The following CNTRL variants were observed in gnomAD, a reference collection of about 807,000 sequenced individuals.
CNTRL encodes 110 kDa centrosomal protein.
CNTRL carries 233 observed loss-of-function variants against 303.7 expected under a neutral mutation model. The observed-to-expected ratio is 0.77, with a 90% confidence interval of 0.69 to 0.86. CNTRL has a LOEUF of 0.86. Ranked by LOEUF, CNTRL falls within the 40% of genes least tolerant of loss-of-function variation. CNTRL has a pLI of 0.00. For missense variants in CNTRL, 2,524 were observed against 2,650.6 expected (o/e 0.95, Z 1.05); for synonymous variants, 900 against 922.2 (o/e 0.98, Z 0.44).
intron 31 of CNTRL, among the ~76,000 whole-genome samples, chr9:121,159,350 C>T (rs1315168489): frequency 6.6e-6 from 1 of 152,184 alleles, no homozygotes; most frequent in African/African-American, 2.4e-5. Context: ...TAGAAAACTT[C>T]TGGCCGGGTA....
At chr9:121,173,789 G>A in intron 42 of CNTRL, 52 bp downstream of exon 42, 1 of 1,511,072 alleles carries the variant, frequency 6.6e-7, no homozygotes, top group Non-Finnish European at 9.2e-7. Flanking sequence ...GGCACATTGG[G>A]GAGGGGAGGG....
chr9:121,174,277 G>A (rs564164171), intron 42 of CNTRL, among the ~76,000 whole-genome samples: 1 of 152,144 alleles, frequency 6.6e-6, no homozygotes, highest in Non-Finnish European at 1.5e-5. Context: ...ACATTTATGT[G>A]GGGGGAATGG....
At position 121,173,504 on chromosome 9, in the gene CNTRL, A is replaced by C. The variant is rs769932847; in HGVS notation, c.6679A>C (p.Ile2227Leu). The C allele has an allele frequency of 6.2e-7, 1 of 1,613,252 alleles. No homozygotes were observed. The highest frequency in any genetic ancestry group is 8.5e-7 in the Non-Finnish European group (1 of 1,179,858). The change falls in exon 41 of 44, where the codon ATA (isoleucine) becomes CTA (leucine). Residue 2227 changes from isoleucine to leucine, a missense_variant. Coordinates refer to ENST00000373855, the MANE Select transcript of CNTRL (RefSeq NM_007018.6). ...AAAACTGAACTTTTCCCAAGTTCAC[A>C]TAATGGTAAGGGTTTATCCTGCTAT... ...EEKLNFSQVH[I>L]MDEHWRGEAL... is the part of the protein sequence containing the mutation.
At position 121,094,081 on chromosome 9, in the gene CNTRL, G is replaced by A. The variant is rs191456524; in HGVS notation, c.349-807G>A. Among the ~76,000 whole-genome samples the A allele has an allele frequency of 3.4e-3, 519 of 152,098 alleles. 14 individuals are homozygous for A. Among genetic ancestry groups the A allele is most frequent in the Admixed American group, 0.028 (423 of 15,266 alleles). ...GCCAAGATTGCGCCACTGCACTCCA[G>A]CCTGGCCAACAGCGAGACTCGGTCC... On this transcript the variant is annotated intron_variant, in intron 4 of 43. Coordinates refer to ENST00000373855, the MANE Select transcript of CNTRL (RefSeq NM_007018.6).
Position 121,173,703 on chromosome 9 carries a change from G to A in CNTRL, c.6713G>A (p.Arg2238Gln), listed in dbSNP as rs775971356. 1.1e-5 allele frequency: 17 copies of A among 1,614,002 alleles called. No individual in the cohort carries two copies. Among genetic ancestry groups the A allele is most frequent in the South Asian group, 3.3e-5 (3 of 91,090 alleles). Reference protein sequence around the residue: ...MDEHWRGEALREKLRHREDRL... With the variant: ...MDEHWRGEALQEKLRHREDRL... ...GAACACTGGCGTGGAGAAGCACTCC[G>A]GGAGAAACTGCGTCACCGGGAAGAC... Residue 2238 changes from arginine to glutamine, a missense_variant, in exon 42 of 44, where the codon CGG (arginine) becomes CAG (glutamine). Physicochemically the swap from Arg to Gln is conservative, Grantham distance 43. Transcript: ENST00000373855.
chr9:121,136,808 C>G (rs1357865809), intron 15 of CNTRL, among the ~76,000 whole-genome samples: 1 of 152,162 alleles, frequency 6.6e-6, no homozygotes, highest in Non-Finnish European at 1.5e-5. Context: ...GTGGAGCTGA[C>G]AGATCTCTGA....
chr9:121,145,227 G>A lies in CNTRL; in HGVS notation c.3169-17G>A, dbSNP rs371027482. On this transcript the variant is annotated splice_polypyrimidine_tract_variant and intron_variant, in intron 21 of 43. Transcript: ENST00000373855. The stretch of plus-strand genomic sequence containing the variant: ...TGAATTCATTGGCAACTTTGTATGT[G>A]TAATTTTTTTAAATAGTTTCGACTT... The A allele has an allele frequency of 5.6e-6, 9 of 1,598,380 alleles. No individual in the cohort carries two copies. The African/African-American group carries it at 1.2e-4, about 22-fold the overall frequency.
Position 121,161,913 on chromosome 9 carries a change from A to C in CNTRL, c.5147A>C (p.Lys1716Thr). Residue 1716 changes from lysine (K) to threonine (T), a missense_variant, in exon 33 of 44, where the codon AAG (lysine) becomes ACG (threonine). Physicochemically the swap from Lys to Thr is moderately conservative, Grantham distance 78 (BLOSUM62 -1). Coordinates refer to ENST00000373855, the MANE Select transcript of CNTRL (RefSeq NM_007018.6). ...QLENHELQGL[K>T]LQHDQRVSEL... ...GAAAACCATGAGCTACAAGGTTTGA[A>C]GCTACAACATGACCAAAGGGTATCT... 1 of 1,614,220 alleles carries C rather than the reference A, an allele frequency of 6.2e-7. No homozygotes were observed. Among genetic ancestry groups the C allele is most frequent in the Admixed American group, 1.7e-5 (1 of 60,024 alleles).
Position 121,123,992 on chromosome 9 carries a change from A to G in CNTRL, c.1712A>G (p.Tyr571Cys). 6.2e-7 allele frequency: 1 copy of G among 1,613,294 alleles called. No individual in the cohort carries two copies. ...EQQLDIMNKQ[Y>C]QQLESRLDEI... ...CAGCTTGACATTATGAACAAGCAGTACCAACAACTTGAAAGTCGTTTGGAT... is the reference window on the plus strand; with the variant it reads ...CAGCTTGACATTATGAACAAGCAGTGCCAACAACTTGAAAGTCGTTTGGAT... The change falls in exon 13 of 44, where the codon TAC (tyrosine) becomes TGC (cysteine). Residue 571 changes from tyrosine to cysteine, a missense_variant. Physicochemically the swap from Tyr to Cys is radical, Grantham distance 194. Transcript: ENST00000373855.
At position 121,150,231 on chromosome 9, in the gene CNTRL, A is replaced by G. The variant is rs373215346; in HGVS notation, c.3711A>G (p.Pro1237=). ...ESELDDQEEP[P]FVPPPGYMMY... ...AGCTGGATGACCAAGAAGAACCCCC[A>G]TTTGTGCCTCCTCCTGGATACATGA... Residue 1237 remains proline, a synonymous_variant, in exon 25 of 44, where the codon CCA becomes CCG. Transcript: ENST00000373855. 12 of 1,614,032 alleles carry G rather than the reference A, an allele frequency of 7.4e-6. No homozygotes were observed. The highest frequency in any genetic ancestry group is 1.1e-5 in the South Asian group (1 of 91,072).
chr9:121,136,659 AG>A (rs370294628), intron 15 of CNTRL, among the ~76,000 whole-genome samples: 474 of 152,296 alleles, frequency 3.1e-3, no homozygotes, highest in African/African-American at 0.011. Context: ...GTCTCCTTTT[AG>A]GGTTGGTTGA....
At chr9:121,159,084 T>C in intron 31 of CNTRL, 65 bp downstream of exon 31, 1 of 1,403,374 alleles carries the variant, frequency 7.1e-7, no homozygotes, top group Non-Finnish European at 9.8e-7. Flanking sequence ...CTTTGATGTA[T>C]TTTCATTGCT....
intron 19 of CNTRL, 98 bp from the exon 20 acceptor site, chr9:121,143,805 G>T (rs2051668006): frequency 2.4e-6 from 2 of 833,198 alleles, no homozygotes; most frequent in African/African-American, 3.5e-5. Flanking sequence ...TATTGTTCTA[G>T]GCAGCAGTGA....
intron 7 of CNTRL, among the ~76,000 whole-genome samples, chr9:121,105,739 G>T (rs757107611): frequency 2.0e-5 from 3 of 152,138 alleles, no homozygotes; most frequent in African/African-American, 4.8e-5. Context: ...GAAGTGAGAA[G>T]CAGAGAAGTG....
At chr9:121,122,999 A>G (rs2050315670) in intron 12 of CNTRL, among the ~76,000 whole-genome samples, 1 of 152,192 alleles carries the variant, frequency 6.6e-6, no homozygotes, top group African/African-American at 2.4e-5. Context: ...TTGTTTGTGT[A>G]AGAGATTGAA....
chr9:121,128,104 C>T (rs1381958600), intron 14 of CNTRL, among the ~76,000 whole-genome samples: 1 of 152,048 alleles, frequency 6.6e-6, no homozygotes, highest in Non-Finnish European at 1.5e-5. Context: ...GCAATAAACA[C>T]ATGTGTGCAT....
intron 16 of CNTRL, 64 bp downstream of exon 16, chr9:121,138,743 G>A: frequency 9.0e-6 from 14 of 1,558,960 alleles, no homozygotes; most frequent in Non-Finnish European, 1.1e-5. Context: ...GATATCTTTA[G>A]TCAGGCACTT....
intron 14 of CNTRL, among the ~76,000 whole-genome samples, chr9:121,127,112 G>T (rs925407197): frequency 6.6e-6 from 1 of 152,124 alleles, no homozygotes; most frequent in Admixed American, 6.5e-5. Context: ...GAGCCACAGC[G>T]CCTGGCCTAT....
Position 121,112,556 on chromosome 9 carries a change from C to T in CNTRL, c.1100C>T (p.Pro367Leu), listed in dbSNP as rs2049793960. Residue 367 changes from proline (P) to leucine (L), a missense_variant, in exon 9 of 44, where the codon CCA (proline) becomes CTA (leucine). Coordinates refer to ENST00000373855, the MANE Select transcript of CNTRL (RefSeq NM_007018.6). Reference sequence around the variant, plus strand: ...TATAAAATTGATGCTAAATTTGAGCCACTAAATTATTATCCATCAGAGGTG... The same window carrying T: ...TATAAAATTGATGCTAAATTTGAGCTACTAAATTATTATCCATCAGAGGTG... ...AFYKIDAKFE[P>L]LNYYPSEYAE... 2 of 1,612,236 alleles carry T rather than the reference C, an allele frequency of 1.2e-6. No homozygotes were observed. The highest frequency in any genetic ancestry group is 1.7e-6 in the Non-Finnish European group (2 of 1,178,718).
Sources: allele counts gnomAD v4.1 joint callset (sites outside exome capture counted in the v4.1 genomes callset), GRCh38; gene constraint gnomAD v4.1.1; transcripts MANE v1.5; gene names NCBI Gene and HGNC (gene_info 2026-07-23, HGNC 2026-07-21).